CTNNA2: variants seen among roughly 807,000 people sequenced by gnomAD.
CTNNA2 encodes catenin alpha 2.
Under a neutral mutation model 101.0 loss-of-function variants are expected in CTNNA2, and 42 were observed. The ratio of observed to expected loss-of-function variants is 0.42; its 90% CI spans 0.32 to 0.54. CTNNA2 has a LOEUF of 0.54. Among genes scored for constraint, CTNNA2 ranks in the 20% least tolerant of loss-of-function variants. The pLI, the probability that CTNNA2 is intolerant of heterozygous loss-of-function variation, is 0.14. For synonymous variants in CTNNA2, 450 were observed against 456.4 expected (o/e 0.99, Z 0.18); for missense variants, 871 against 1,223.1 (o/e 0.71, Z 4.29).
intron 18 of CTNNA2, among the ~76,000 whole-genome samples, chr2:80,630,353 G>C (rs1343027660): frequency 2.0e-5 from 3 of 152,008 alleles, no homozygotes; most frequent in Non-Finnish European, 2.9e-5. Flanking sequence ...CTGTCTCTCT[G>C]TACATTTTAA....
chr2:79,200,915 A>G lies in CTNNA2; in HGVS notation c.-406+2839A>G, dbSNP rs543050602. ...TATCAAATCTGAAAGGGTTTGATTT[A>G]GAAACCAAACCCAGGCTATTGTGGT... On this transcript the variant is annotated intron_variant, in intron 2 of 21. Transcript: ENST00000466387. Among the ~76,000 whole-genome samples the G allele has an allele frequency of 3.1e-4, 47 of 152,348 alleles. 1 individual carries two copies. The highest frequency in any genetic ancestry group is 6.3e-4 in the Non-Finnish European group (43 of 68,028).
intron 2 of CTNNA2, among the ~76,000 whole-genome samples, chr2:79,211,562 GT>G (rs1674173907): frequency 1.3e-5 from 2 of 152,188 alleles, no homozygotes; most frequent in African/African-American, 4.8e-5. Flanking sequence ...AAGATGCTCA[GT>G]AGGGGAGCTT....
intron 7 of CTNNA2, among the ~76,000 whole-genome samples, chr2:80,108,216 G>A (rs759244570): frequency 6.6e-6 from 1 of 152,190 alleles, no homozygotes; most frequent in African/African-American, 2.4e-5. Context: ...GCCTTGGGTA[G>A]CCTAGGCTTT....
intron 7 of CTNNA2, among the ~76,000 whole-genome samples, chr2:80,067,725 G>A (rs769543151): frequency 3.3e-5 from 5 of 152,086 alleles, no homozygotes; most frequent in African/African-American, 7.2e-5. Context: ...AAGACATCGC[G>A]GCTTTCTCCC....
chr2:79,690,657 C>T (rs1403332106), intron 2 of CTNNA2, among the ~76,000 whole-genome samples: 2 of 151,886 alleles, frequency 1.3e-5, no homozygotes, highest in Non-Finnish European at 2.9e-5. Flanking sequence ...CCCCATTTTG[C>T]AGATGAGAAA....
chr2:80,550,285 G>A (rs1176059047), intron 11 of CTNNA2, among the ~76,000 whole-genome samples: 2 of 152,186 alleles, frequency 1.3e-5, no homozygotes, highest in Admixed American at 6.5e-5. Flanking sequence ...AGATCATTCT[G>A]AGCCTTCAGC....
At chr2:79,658,590 A>G (rs577030835) in intron 2 of CTNNA2, among the ~76,000 whole-genome samples, 2 of 152,214 alleles carry the variant, frequency 1.3e-5, no homozygotes, top group East Asian at 3.9e-4. Context: ...GAAGTTATTG[A>G]GAGTTCAACC....
chr2:79,877,904 A>C (rs2104091826), intron 6 of CTNNA2, among the ~76,000 whole-genome samples: 1 of 152,250 alleles, frequency 6.6e-6, no homozygotes, highest in Admixed American at 6.5e-5. Context: ...TTTGTTATCT[A>C]GGTTTACATG....
At chr2:79,414,121 G>A (rs957673050) in intron 4 of CTNNA2, among the ~76,000 whole-genome samples, 2 of 151,828 alleles carry the variant, frequency 1.3e-5, no homozygotes, top group African/African-American at 4.8e-5. Context: ...AGCCAGTATG[G>A]TTAAGCAAGG....
At position 79,535,038 on chromosome 2, in the gene CTNNA2, T is replaced by A. The variant is rs1204489133; in HGVS notation, c.-6+21831T>A. ...AACAACTGACAGATTAAGTATGACA[T>A]AATTTTTAAGAAATTACTTTAAAAG... On this transcript the variant is annotated intron_variant, in intron 1 of 18. Transcript: ENST00000402739. Among the ~76,000 whole-genome samples, 4 of 152,126 alleles carry A rather than the reference T, an allele frequency of 2.6e-5. No homozygotes were observed. In the East Asian group the frequency reaches 7.7e-4, roughly 29 times the overall value.
intron 1 of CTNNA2, among the ~76,000 whole-genome samples, chr2:79,592,733 T>C (rs1001603783): frequency 1.3e-5 from 2 of 152,204 alleles, no homozygotes; most frequent in East Asian, 1.9e-4. Context: ...TTTTCTACAG[T>C]GCCCAGTCCT....
rs573017636 is a variant in CTNNA2 at position 79,676,476 on chromosome 2, C to T, written c.102+24818C>T. On this transcript the variant is annotated intron_variant, in intron 2 of 18. Coordinates refer to ENST00000402739, the MANE Select transcript of CTNNA2 (RefSeq NM_001282597.3). The stretch of plus-strand genomic sequence containing the variant: ...TTTCAGGGGTCTAGGGTGGTACCCA[C>T]GGTGAGATTCATGGAGCACATGTAT... Among the ~76,000 whole-genome samples the T allele has an allele frequency of 3.3e-5, 5 of 152,240 alleles. No homozygotes were observed. In the East Asian group the frequency reaches 7.8e-4, roughly 24 times the overall value.
At chr2:79,880,708 TTTC>T (rs3979493) in intron 6 of CTNNA2, among the ~76,000 whole-genome samples, 63,045 of 151,480 alleles carry the variant, frequency 0.42, 13,311 homozygotes, top group East Asian at 0.59. Context: ...TCTTCTCTCT[TTTC>T]TTCTTTATTG....
chr2:80,198,965 G>A (rs1201384789), intron 7 of CTNNA2, among the ~76,000 whole-genome samples: 4 of 151,810 alleles, frequency 2.6e-5, no homozygotes, highest in East Asian at 1.9e-4. Flanking sequence ...GGCATATCAC[G>A]AGGTCAAGAG....
chr2:79,294,230 GAA>G (rs1675911766), intron 2 of CTNNA2, among the ~76,000 whole-genome samples: 1 of 150,880 alleles, frequency 6.6e-6, no homozygotes, highest in Non-Finnish European at 1.5e-5. Flanking sequence ...AGAAGAAGAA[GAA>G]GAAGAAGAGG....
intron 1 of CTNNA2, among the ~76,000 whole-genome samples, chr2:79,514,014 A>G (rs1671674542): frequency 6.6e-6 from 1 of 152,074 alleles, no homozygotes; most frequent in Non-Finnish European, 1.5e-5. Context: ...TGACATTTTC[A>G]AACCACCCGC....
chr2:79,933,974 G>GTAA (rs1159263806), intron 7 of CTNNA2, among the ~76,000 whole-genome samples: 3 of 152,146 alleles, frequency 2.0e-5, no homozygotes, highest in Admixed American at 6.5e-5. Flanking sequence ...GTTCCATGAG[G>GTAA]TAATAGAAAC....
At chr2:80,135,929 A>G (rs914352160) in intron 7 of CTNNA2, among the ~76,000 whole-genome samples, 1 of 152,132 alleles carries the variant, frequency 6.6e-6, no homozygotes, top group Non-Finnish European at 1.5e-5. Context: ...CTCACTGTCC[A>G]TGCTTGCTAA....
At chr2:79,913,972 C>G (rs944414531) in intron 7 of CTNNA2, among the ~76,000 whole-genome samples, 2 of 151,780 alleles carry the variant, frequency 1.3e-5, no homozygotes, top group African/African-American at 4.8e-5. Flanking sequence ...TCGAGACCAT[C>G]CCGGCTAAAA....
Sources: gnomAD v4.1 joint callset for allele counts (sites outside exome capture counted in the v4.1 genomes callset) on GRCh38, gnomAD v4.1.1 for gene constraint, MANE v1.5 for transcripts, NCBI Gene and HGNC (gene_info 2026-07-23, HGNC 2026-07-21) for gene names.